ADCY7: variants seen among roughly 807,000 people sequenced by gnomAD.
ADCY7 encodes the protein adenylate cyclase type 7.
A neutral mutation model predicts 120.6 loss-of-function variants in ADCY7; 72 were observed. That is an observed-to-expected ratio of 0.60 (90% CI 0.49 to 0.73). The LOEUF is 0.73. ADCY7 is among the 30% of genes least tolerant of loss of function. ADCY7 has a pLI of 0.00. For missense variants in ADCY7, 1,227 were observed against 1,486.0 expected, an observed-to-expected ratio of 0.83 and a Z score of 2.87; for synonymous variants, 661 against 628.0, an observed-to-expected ratio of 1.05 and a Z score of -0.78.
Position 50,291,729 on chromosome 16 carries a change from T to G in ADCY7, c.376-7T>G. On this transcript the variant is annotated splice_region_variant and splice_polypyrimidine_tract_variant and intron_variant, in intron 3 of 25. Transcript: ENST00000673801. Reference sequence around the variant, plus strand: ...GGGGCACCGGGCTCACCAGGCTGCATCCACAGGTGCCCTTCTTCCTGTTCA... The same window carrying G: ...GGGGCACCGGGCTCACCAGGCTGCAGCCACAGGTGCCCTTCTTCCTGTTCA... 1 of 1,614,010 alleles carries G rather than the reference T, an allele frequency of 6.2e-7. No individual in the cohort carries two copies. Among genetic ancestry groups the G allele is most frequent in the Non-Finnish European group, 8.5e-7 (1 of 1,179,958 alleles).
At chr16:50,269,963 C>T (rs997760257) in intron 1 of ADCY7, among the ~76,000 whole-genome samples, 6 of 152,180 alleles carry the variant, frequency 3.9e-5, no homozygotes, top group Non-Finnish European at 5.9e-5. Context: ...CTGAAGTGGG[C>T]GGATCACTTG....
intron 17 of ADCY7, 192 bp downstream of exon 17, chr16:50,308,984 C>T: frequency 1.6e-6 from 1 of 608,624 alleles, no homozygotes; most frequent in Non-Finnish European, 2.6e-6. Flanking sequence ...CTTTGGGGGC[C>T]CAGAGAGCTT....
intron 9 of ADCY7, 94 bp downstream of exon 9, chr16:50,300,967 G>C: frequency 6.5e-7 from 1 of 1,532,514 alleles, no homozygotes; most frequent in Non-Finnish European, 8.8e-7. Context: ...GGTGTGGAGG[G>C]AGAGATGAAT....
intron 1 of ADCY7, among the ~76,000 whole-genome samples, chr16:50,248,923 C>T (rs538046565): frequency 8.5e-5 from 13 of 152,308 alleles, no homozygotes; most frequent in African/African-American, 2.4e-4. Flanking sequence ...TTCATGTCAC[C>T]TCTTCCGCTG....
Position 50,311,777 on chromosome 16 carries a change from C to T in ADCY7, c.2439C>T (p.Leu813=), listed in dbSNP as rs71384556. The T allele has an allele frequency of 6.4e-7, 1 of 1,558,274 alleles. No homozygotes were observed. The highest frequency in any genetic ancestry group is 8.8e-7 in the Non-Finnish European group (1 of 1,133,174). ...LVLFYITLLT[L]SRQIDYYCRL... ...TGTTCTACATCACCCTGCTTACACT[C>T]TCCAGACAGGTAAGGAGGCTGGCCC... The change falls in exon 20 of 26, where the codon CTC becomes CTT. Residue 813 remains leucine, a synonymous_variant. Coordinates refer to ENST00000673801, the MANE Select transcript of ADCY7 (RefSeq NM_001114.5).
rs148497431 is a variant in ADCY7, at chr16:50,294,366, C to T, written c.837-274C>T. 4.6e-3 allele frequency among the ~76,000 whole-genome samples: 699 copies of T among 152,306 alleles called. 4 individuals carry two copies. The highest frequency in any genetic ancestry group is 7.1e-3 in the Non-Finnish European group (480 of 68,024). ...CCGGGCTGCCTGCAGGAGTGCCCTT[C>T]GGCTGTCTGCAGTGATAGGGCCTGG... On this transcript the variant is annotated intron_variant, in intron 6 of 25. Transcript: ENST00000673801.
chr16:50,258,231 G>C (rs1366389843), intron 1 of ADCY7, among the ~76,000 whole-genome samples: 1 of 152,088 alleles, frequency 6.6e-6, no homozygotes, highest in East Asian at 1.9e-4. Context: ...GAGAGCCCCT[G>C]TCTCTTTAAA....
rs1206450281 is a variant in ADCY7 at position 50,300,798 on chromosome 16, T to A, written c.1160T>A (p.Leu387Gln). The change falls in exon 9 of 26, where the codon CTG (leucine) becomes CAG (glutamine). Residue 387 changes from leucine (L) to glutamine (Q), a missense_variant. Around this residue, in one of 5 missense-constraint regions of ADCY7, gnomAD observed 332 missense variants for 455.8 expected, o/e 0.73. Transcript: ENST00000673801. The part of the protein sequence containing the change: ...SGNVLCGVIG[L>Q]RKWQYDVWSH... ...AATGTGCTGTGCGGGGTCATCGGGC[T>A]GCGCAAGTGGCAGTATGACGTGTGG... The A allele has an allele frequency of 2.6e-6, 4 of 1,555,370 alleles. No homozygotes were observed. Among genetic ancestry groups the A allele is most frequent in the Non-Finnish European group, 3.5e-6 (4 of 1,149,112 alleles).
Position 50,310,728 on chromosome 16 carries a change from G to C in ADCY7, c.2202G>C (p.Ser734=), listed in dbSNP as rs752983838. 6 of 1,614,064 alleles carry C rather than the reference G, an allele frequency of 3.7e-6. No homozygotes were observed. The highest frequency in any genetic ancestry group is 3.3e-4 in the Middle Eastern group (2 of 6,060). The change falls in exon 19 of 26, where the codon TCG becomes TCC. Residue 734 remains serine (S), a synonymous_variant. Coordinates refer to ENST00000673801, the MANE Select transcript of ADCY7 (RefSeq NM_001114.5). ...GTGTCCTGGGCTTCATCGCCTGCTC[G>C]GTCTTCCTGAGGATGAGCCTGGAGC... ...CSCVLGFIAC[S]VFLRMSLEPK...
At chr16:50,245,479 C>T (rs565383533), upstream of ADCY7, among the ~76,000 whole-genome samples, 3 of 152,264 alleles carry the variant, frequency 2.0e-5, no homozygotes, top group South Asian at 6.2e-4. Flanking sequence ...TCTTGCTCAC[C>T]CTGTCTGAGT....
At chr16:50,253,585 C>G (rs1440804268) in intron 1 of ADCY7, among the ~76,000 whole-genome samples, 2 of 152,180 alleles carry the variant, frequency 1.3e-5, no homozygotes, top group African/African-American at 2.4e-5. Flanking sequence ...CTTTGTGGTG[C>G]CCTCAGGCTG....
chr16:50,308,970 C>A, intron 17 of ADCY7, 178 bp downstream of exon 17: 1 of 742,868 alleles, frequency 1.3e-6, no homozygotes, highest in Non-Finnish European at 2.0e-6. Flanking sequence ...TTCTCAAATG[C>A]GGACTTTGGG....
chr16:50,249,830 G>T (rs2032701553), intron 1 of ADCY7, among the ~76,000 whole-genome samples: 1 of 152,252 alleles, frequency 6.6e-6, no homozygotes, highest in Non-Finnish European at 1.5e-5. Context: ...CCCAGCCCAT[G>T]TGTGCACAGG....
At chr16:50,295,346 T>C (rs1298795109) in intron 7 of ADCY7, among the ~76,000 whole-genome samples, 1 of 23,550 alleles carries the variant, frequency 4.2e-5, no homozygotes, top group Admixed American at 3.4e-4. Context: ...GCCTGGCTAA[T>C]TTTTTTTTTT....
In ADCY7 at chr16:50,292,687, C is replaced by T. The variant is rs775186888; in HGVS notation, c.549C>T (p.Asn183=). ...SVRVGLQLLA[N]AVIFLCGNLT... ...CTGTCTACCCGCAGCTGCTGGCCAA[C>T]GCAGTCATCTTCCTGTGTGGGAACC... Residue 183 remains asparagine, a synonymous_variant, in exon 5 of 26, where the codon AAC becomes AAT. Transcript: ENST00000673801. 16 of 1,613,718 alleles carry T rather than the reference C, an allele frequency of 9.9e-6. No homozygotes were observed. Among genetic ancestry groups the T allele is most frequent in the East Asian group, 2.2e-5 (1 of 44,894 alleles).
rs1367390402 is a variant in ADCY7 at position 50,297,508 on chromosome 16, G to A, written c.949-1396G>A. Among the ~76,000 whole-genome samples the A allele has an allele frequency of 6.6e-6, 1 of 152,200 alleles. No individual in the cohort carries two copies. Among genetic ancestry groups the A allele is most frequent in the Non-Finnish European group, 1.5e-5 (1 of 68,030 alleles). ...TTTCTAGGAAAGCCACTGTCCTCTT[G>A]TCCTTGCAGTCACTCAGAACTCACT... On this transcript the variant is annotated intron_variant, in intron 7 of 25. Coordinates refer to ENST00000673801, the MANE Select transcript of ADCY7 (RefSeq NM_001114.5). This position sits in a 1 kb window ranked among gnomAD's most constrained non-coding sequence, Gnocchi z 4.4.
At chr16:50,282,588 G>A (rs532360254) in intron 1 of ADCY7, among the ~76,000 whole-genome samples, 19 of 152,272 alleles carry the variant, frequency 1.2e-4, no homozygotes, top group African/African-American at 4.6e-4. Context: ...CCACCTCTTG[G>A]TCATAGCTCT....
Position 50,299,044 on chromosome 16 carries a change from C to G in ADCY7, c.1076+13C>G. On this transcript the variant is annotated intron_variant, in intron 8 of 25. Transcript: ENST00000673801. ...GCCAGGCCATCAAGTAGGTCCTGGG[C>G]GGGCCCAGGCCCTGGGTCCTGCCCT... 1 of 1,603,130 alleles carries G rather than the reference C, an allele frequency of 6.2e-7. No homozygotes were observed. Among genetic ancestry groups the G allele is most frequent in the Non-Finnish European group, 8.5e-7 (1 of 1,176,580 alleles).
chr16:50,290,748 C>T (rs2034898956), intron 3 of ADCY7, 88 bp downstream of exon 3: 2 of 1,417,988 alleles, frequency 1.4e-6, no homozygotes, highest in Non-Finnish European at 1.9e-6. Context: ...CCCTTCGTGC[C>T]CCACGCTTGG....
Sources: gnomAD v4.1 joint callset for allele counts (sites outside exome capture counted in the v4.1 genomes callset) on GRCh38, gnomAD v4.1.1 for gene constraint, gnomAD v4.1.1 regional missense constraint, Gnocchi (gnomAD v3.1) non-coding constraint, MANE v1.5 for transcripts, NCBI Gene and HGNC (gene_info 2026-07-23, HGNC 2026-07-21) for gene names.